RSU1: variants seen among roughly 807,000 people sequenced by gnomAD.
The protein encoded by RSU1 is Ras suppressor protein 1.
Under a neutral mutation model 31.1 loss-of-function variants are expected in RSU1, and 26 were observed. The observed-to-expected ratio is 0.84, with a 90% CI of 0.61 to 1.16. The LOEUF is 1.16. Among genes scored for constraint, RSU1 ranks in the 50% most tolerant of loss-of-function variants. The probability of loss-of-function intolerance (pLI) is 0.00; values close to 1 mark genes in which losing one functional copy is unlikely to be tolerated. For synonymous variants in RSU1, 164 were observed against 136.3 expected, an observed-to-expected ratio of 1.20 and a Z score of -1.41; for missense variants, 320 against 339.1, an observed-to-expected ratio of 0.94 and a Z score of 0.44.
intron 8 of RSU1, among the ~76,000 whole-genome samples, chr10:16,683,575 T>C (rs1835377851): frequency 2.0e-5 from 3 of 152,202 alleles, no homozygotes; most frequent in African/African-American, 7.2e-5. Flanking sequence ...AGTTATTTTA[T>C]ATGGCAAATT....
chr10:16,675,008 G>A (rs1835200239), intron 8 of RSU1, among the ~76,000 whole-genome samples: 1 of 151,884 alleles, frequency 6.6e-6, no homozygotes. Flanking sequence ...ACTCCAGCCT[G>A]GGCGACAGAG....
chr10:16,689,906 T>C (rs1199679935), intron 8 of RSU1, among the ~76,000 whole-genome samples: 1 of 152,186 alleles, frequency 6.6e-6, no homozygotes, highest in African/African-American at 2.4e-5. Flanking sequence ...GCTTGGCAAA[T>C]TGCAGTTTTC....
intron 8 of RSU1, among the ~76,000 whole-genome samples, chr10:16,610,186 G>T (rs533660681): frequency 2.6e-4 from 40 of 151,832 alleles, no homozygotes; most frequent in African/African-American, 9.2e-4. Context: ...ACTCTGGTGA[G>T]TATTTTAGAG....
chr10:16,704,916 G>C (rs1189270144), intron 7 of RSU1, among the ~76,000 whole-genome samples: 1 of 152,024 alleles, frequency 6.6e-6, no homozygotes, highest in Non-Finnish European at 1.5e-5. Context: ...GTATGGTTTG[G>C]TGATATTAAT....
chr10:16,696,595 C>A (rs923473767), intron 7 of RSU1, among the ~76,000 whole-genome samples: 1 of 152,162 alleles, frequency 6.6e-6, no homozygotes, highest in African/African-American at 2.4e-5. Flanking sequence ...AATTTGTTGG[C>A]GCTTGGTACA....
At chr10:16,648,620 C>G (rs946952696) in intron 8 of RSU1, among the ~76,000 whole-genome samples, 1 of 152,018 alleles carries the variant, frequency 6.6e-6, no homozygotes, top group Non-Finnish European at 1.5e-5. Flanking sequence ...AATGGGAATT[C>G]ATTTTTTTTC....
intron 8 of RSU1, among the ~76,000 whole-genome samples, chr10:16,692,112 T>G (rs1010807546): frequency 6.6e-6 from 1 of 152,130 alleles, no homozygotes; most frequent in African/African-American, 2.4e-5. Context: ...CAAGGCTCCA[T>G]GAGGAAATGA....
chr10:16,814,687 T>A (rs903984343), intron 2 of RSU1, among the ~76,000 whole-genome samples: 9 of 151,940 alleles, frequency 5.9e-5, no homozygotes, highest in Non-Finnish European at 1.0e-4. Context: ...CCAGAGGAGA[T>A]GGAATCTGCA....
chr10:16,738,174 C>G (rs886992949), intron 7 of RSU1, among the ~76,000 whole-genome samples: 2 of 152,100 alleles, frequency 1.3e-5, no homozygotes, highest in East Asian at 1.9e-4. Flanking sequence ...AGGCCGGGCA[C>G]GGTGGCTCAC....
rs1833502756 is a variant in RSU1, at chr10:16,591,420, T to C, written c.*1974A>G. On this transcript the variant is annotated 3_prime_UTR_variant, in exon 9 of 9. Coordinates refer to ENST00000345264, the MANE Select transcript of RSU1 (RefSeq NM_012425.4). ...TAGAAATAAAAATTCTGGGCCCCAG[T>C]ACACAATCTTAAGGTTTTGCCACCT... 6.6e-6 allele frequency: 1 copy of C among 152,192 alleles called. No homozygotes were observed. The highest frequency in any genetic ancestry group is 2.4e-5 in the African/African-American group (1 of 41,442). 9.4% of individuals were successfully genotyped at this position (152,192 alleles called of 1,614,324 possible).
intron 7 of RSU1, among the ~76,000 whole-genome samples, chr10:16,708,816 T>C (rs1835958833): frequency 1.5e-5 from 2 of 135,750 alleles, no homozygotes; most frequent in Admixed American, 7.1e-5. Flanking sequence ...TTCTATTATC[T>C]TTTTTTTTTT....
At chr10:16,812,210 G>C (rs1588553057) in intron 2 of RSU1, among the ~76,000 whole-genome samples, 2 of 152,266 alleles carry the variant, frequency 1.3e-5, no homozygotes, top group South Asian at 4.1e-4. Flanking sequence ...GGGAGGCCAA[G>C]GCGGGTGGAT....
At chr10:16,777,963 C>T (rs908265765) in intron 3 of RSU1, among the ~76,000 whole-genome samples, 25 of 151,316 alleles carry the variant, frequency 1.7e-4, no homozygotes, top group African/African-American at 6.1e-4. Context: ...CATTCCTTGG[C>T]TCTATGATTG....
In RSU1 at chr10:16,591,914, G is replaced by A. The variant is rs1833512397; in HGVS notation, c.*1480C>T. ...ATGATATCAACTCTATCCCTAAACA[G>A]GGGATGGGACCTGGGGAAGCCACTT... On this transcript the variant is annotated 3_prime_UTR_variant, in exon 9 of 9. Coordinates refer to ENST00000345264, the MANE Select transcript of RSU1 (RefSeq NM_012425.4). 6.6e-6 allele frequency: 1 copy of A among 152,192 alleles called. No individual in the cohort carries two copies. Among genetic ancestry groups the A allele is most frequent in the African/African-American group, 2.4e-5 (1 of 41,436 alleles). The allele number at this position is 152,192 out of a possible 1,614,324, so 9.4% of individuals were successfully genotyped here.
intron 8 of RSU1, among the ~76,000 whole-genome samples, chr10:16,661,581 G>T (rs1025136193): frequency 1.3e-5 from 2 of 152,290 alleles, no homozygotes; most frequent in Non-Finnish European, 2.9e-5. Flanking sequence ...AGATGACTAT[G>T]ATGACTACTA....
chr10:16,775,722 G>T (rs1343465711), intron 3 of RSU1, among the ~76,000 whole-genome samples: 1 of 152,088 alleles, frequency 6.6e-6, no homozygotes, highest in Non-Finnish European at 1.5e-5. Context: ...CTTTTTTATG[G>T]TAACCTGACT....
intron 2 of RSU1, among the ~76,000 whole-genome samples, chr10:16,789,391 G>A (rs1301023807): frequency 6.6e-6 from 1 of 152,098 alleles, no homozygotes; most frequent in African/African-American, 2.4e-5. Context: ...AATATTTAGG[G>A]CAACAAAGGA....
chr10:16,779,455 TGTAGATCTTAAGTCAGTGGA>T (rs2131644085), intron 3 of RSU1, among the ~76,000 whole-genome samples: 1 of 152,306 alleles, frequency 6.6e-6, no homozygotes, highest in South Asian at 2.1e-4. Context: ...TCAATAACCC[TGTAGATCTTAAGTCAGTGGA>T]GTCAACAGTG....
intron 4 of RSU1, among the ~76,000 whole-genome samples, chr10:16,758,689 C>A: frequency 6.6e-6 from 1 of 152,142 alleles, no homozygotes; most frequent in East Asian, 1.9e-4. Flanking sequence ...ATGGCTCACA[C>A]GTGGCTTCTC....
Sources: allele counts gnomAD v4.1 joint callset (sites outside exome capture counted in the v4.1 genomes callset), GRCh38; gene constraint gnomAD v4.1.1; transcripts MANE v1.5; gene names NCBI Gene and HGNC (gene_info 2026-07-23, HGNC 2026-07-21).